Variants in NLGN1 observed in about 807,000 individuals in gnomAD.
The protein encoded by NLGN1 is neuroligin 1.
In NLGN1, 12 loss-of-function variants were observed where a neutral mutation model predicts 65.5. The ratio of observed to expected loss-of-function variants is 0.18; its 90% confidence interval spans 0.12 to 0.30. NLGN1 has a LOEUF of 0.30. Ranked by LOEUF, NLGN1 falls within the 10% of genes least tolerant of loss-of-function variation. The probability of loss-of-function intolerance (pLI) is 1.00; values close to 1 mark genes in which losing one functional copy is unlikely to be tolerated. For synonymous variants in NLGN1, 350 were observed against 359.5 expected (o/e 0.97, Z 0.30); for missense variants, 750 against 1,007.1 (o/e 0.74, Z 3.46).
intron 2 of NLGN1, among the ~76,000 whole-genome samples, chr3:173,603,326 C>G (rs1750857233): frequency 6.6e-6 from 1 of 152,114 alleles, no homozygotes; most frequent in African/African-American, 2.4e-5. Flanking sequence ...TAGTCTGATG[C>G]AGTTTAAGTT....
Position 173,790,116 on chromosome 3 carries a change from A to G in NLGN1, c.494-17564A>G, listed in dbSNP as rs147891302. ...ACCTTATGCCATGTAATAAAAGAGC[A>G]ACAGATTTACCCTGAGTGGTTAGGT... On this transcript the variant is annotated intron_variant, in intron 3 of 6. Coordinates refer to ENST00000457714, the Ensembl canonical transcript of NLGN1. 3.4e-3 allele frequency among the ~76,000 whole-genome samples: 514 copies of G among 152,246 alleles called. 3 individuals carry two copies. The highest frequency in any genetic ancestry group is 0.012 in the African/African-American group (495 of 41,552).
chr3:174,086,707 T>C (rs1312658250), intron 4 of NLGN1, among the ~76,000 whole-genome samples: 1 of 152,020 alleles, frequency 6.6e-6, no homozygotes, highest in Non-Finnish European at 1.5e-5. Context: ...CCCAAAACTT[T>C]AAAAAATATT....
intron 3 of NLGN1, among the ~76,000 whole-genome samples, chr3:173,624,493 T>G (rs375240510): frequency 1.3e-5 from 2 of 152,168 alleles, no homozygotes; most frequent in African/African-American, 4.8e-5. Flanking sequence ...TTTGCAGATA[T>G]GCCTGCTCCC....
intron 4 of NLGN1, among the ~76,000 whole-genome samples, chr3:174,274,728 GTAAT>G (rs750593800): frequency 4.6e-5 from 7 of 151,794 alleles, no homozygotes; most frequent in Non-Finnish European, 7.4e-5. Context: ...CTCTGACACA[GTAAT>G]TCTTTCTTAA....
intron 1 of NLGN1, among the ~76,000 whole-genome samples, chr3:173,415,627 G>C (rs1479489798): frequency 6.6e-6 from 1 of 152,132 alleles, no homozygotes; most frequent in Non-Finnish European, 1.5e-5. Context: ...GTTTCGTAGA[G>C]TAGTATTAAA....
chr3:173,954,314 A>G (rs1277163144), intron 4 of NLGN1, among the ~76,000 whole-genome samples: 1 of 152,124 alleles, frequency 6.6e-6, no homozygotes, highest in Non-Finnish European at 1.5e-5. Context: ...GTAATCATCT[A>G]CATCAGTAGT....
chr3:173,708,948 A>C (rs888782427), intron 3 of NLGN1, among the ~76,000 whole-genome samples: 2 of 152,232 alleles, frequency 1.3e-5, no homozygotes, highest in African/African-American at 2.4e-5. Flanking sequence ...TGAGGTTCTC[A>C]AAACGTTATT....
At chr3:174,003,515 G>T (rs979838676) in intron 4 of NLGN1, among the ~76,000 whole-genome samples, 41 of 152,226 alleles carry the variant, frequency 2.7e-4, no homozygotes, top group African/African-American at 9.1e-4. Context: ...CAAACCAAAT[G>T]ATCTGTGGAA....
intron 4 of NLGN1, among the ~76,000 whole-genome samples, chr3:174,070,812 T>C (rs1739675015): frequency 6.6e-6 from 1 of 152,152 alleles, no homozygotes. Flanking sequence ...TCTAACACTT[T>C]GGGAGGCCAA....
intron 2 of NLGN1, among the ~76,000 whole-genome samples, chr3:173,495,282 C>T (rs1729814985): frequency 6.6e-6 from 1 of 151,532 alleles, no homozygotes; most frequent in East Asian, 1.9e-4. Context: ...TTTCATAGTT[C>T]AGTGGGTTTC....
At chr3:173,535,181 A>G (rs2149198708) in intron 2 of NLGN1, among the ~76,000 whole-genome samples, 1 of 152,364 alleles carries the variant, frequency 6.6e-6, no homozygotes, top group Admixed American at 6.5e-5. Context: ...GATACAAATC[A>G]GAAGACAGTG....
At chr3:173,755,925 A>G (rs1578277968) in intron 3 of NLGN1, among the ~76,000 whole-genome samples, 1 of 152,158 alleles carries the variant, frequency 6.6e-6, no homozygotes, top group African/African-American at 2.4e-5. Context: ...ATGATGTTAT[A>G]TATTGATTCA....
At chr3:174,007,251 A>C (rs181533705) in intron 4 of NLGN1, among the ~76,000 whole-genome samples, 101 of 152,256 alleles carry the variant, frequency 6.6e-4, no homozygotes, top group Non-Finnish European at 1.3e-3. Context: ...TCCTGAACAG[A>C]GAGAAAATAC....
intron 4 of NLGN1, among the ~76,000 whole-genome samples, chr3:173,864,359 C>T (rs1043494730): frequency 6.6e-6 from 1 of 152,076 alleles, no homozygotes; most frequent in Admixed American, 6.6e-5. Context: ...ATGTGATCTT[C>T]CATTGTCTTT....
intron 4 of NLGN1, among the ~76,000 whole-genome samples, chr3:174,225,432 G>A (rs960820934): frequency 6.6e-6 from 1 of 152,104 alleles, no homozygotes; most frequent in African/African-American, 2.4e-5. Flanking sequence ...CTTTATTCCT[G>A]TAATATTAGA....
chr3:174,077,847 C>T (rs1342844832), intron 4 of NLGN1, among the ~76,000 whole-genome samples: 1 of 152,152 alleles, frequency 6.6e-6, no homozygotes, highest in Non-Finnish European at 1.5e-5. Flanking sequence ...AGCCACTGTA[C>T]CTGGCCTATC....
intron 4 of NLGN1, among the ~76,000 whole-genome samples, chr3:174,272,753 GA>G (rs1364627386): frequency 6.6e-6 from 1 of 151,540 alleles, no homozygotes; most frequent in Non-Finnish European, 1.5e-5. Context: ...ACATACACAT[GA>G]AATACACTAG....
intron 4 of NLGN1, among the ~76,000 whole-genome samples, chr3:173,922,209 ATATT>A (rs1414215991): frequency 1.5e-4 from 23 of 152,208 alleles, no homozygotes; most frequent in African/African-American, 5.5e-4. Flanking sequence ...AAAGAACTAA[ATATT>A]TATGTTTTTA....
In NLGN1 at chr3:173,432,580, T is replaced by G. The variant is rs545678221; in HGVS notation, c.-389-2430T>G. On this transcript the variant is annotated intron_variant, in intron 1 of 6. Coordinates refer to ENST00000457714, the Ensembl canonical transcript of NLGN1. ...CCAATTTTTTAATCAGGTTATTCATTTTTTTATTGTTGAGTTTTAAGAGTT... is the reference window on the plus strand; with the variant it reads ...CCAATTTTTTAATCAGGTTATTCATGTTTTTATTGTTGAGTTTTAAGAGTT... Among the ~76,000 whole-genome samples, 26 of 152,308 alleles carry G rather than the reference T, an allele frequency of 1.7e-4. No individual in the cohort carries two copies. The South Asian group carries it at 3.1e-3, about 18-fold the overall frequency.
Sources: allele counts gnomAD v4.1 joint callset (sites outside exome capture counted in the v4.1 genomes callset), GRCh38; gene constraint gnomAD v4.1.1; transcripts MANE v1.5; gene names NCBI Gene and HGNC (gene_info 2026-07-23, HGNC 2026-07-21).